Variants in ADGRV1 observed in about 807,000 individuals in gnomAD.
ADGRV1 encodes the protein G-protein coupled receptor 98.
In ADGRV1, 359 loss-of-function variants were observed where a neutral mutation model predicts 596.2. The observed-to-expected ratio is 0.60, with a 90% CI of 0.55 to 0.66. The LOEUF is 0.66. ADGRV1 is among the 30% of genes least tolerant of loss of function. ADGRV1 has a pLI of 0.00. For missense variants in ADGRV1, 7,274 were observed against 7,575.6 expected (o/e 0.96, Z 1.48); for synonymous variants, 2,681 against 2,679.2 (o/e 1.00, Z -0.02).
At chr5:90,600,530 A>G (rs1013081792) in intron 1 of ADGRV1, among the ~76,000 whole-genome samples, 12 of 152,198 alleles carry the variant, frequency 7.9e-5, no homozygotes, top group African/African-American at 2.9e-4. Context: ...TATATGTGCC[A>G]CATTGTCTTA....
intron 84 of ADGRV1, among the ~76,000 whole-genome samples, chr5:90,984,272 T>A (rs2151044001): frequency 6.6e-6 from 1 of 152,276 alleles, no homozygotes; most frequent in East Asian, 1.9e-4. Flanking sequence ...CCATACAAAA[T>A]TGAGAAGGAG....
intron 85 of ADGRV1, among the ~76,000 whole-genome samples, chr5:91,066,800 A>T (rs1396044418): frequency 6.6e-6 from 1 of 152,206 alleles, no homozygotes; most frequent in Non-Finnish European, 1.5e-5. Context: ...GGAGATTGGG[A>T]TGGAGTCCTG....
chr5:90,698,336 T>C (rs1204355272), intron 34 of ADGRV1, among the ~76,000 whole-genome samples: 1 of 152,190 alleles, frequency 6.6e-6, no homozygotes, highest in Non-Finnish European at 1.5e-5. Flanking sequence ...ACAGCAGTCC[T>C]ATGATATAGG....
intron 83 of ADGRV1, among the ~76,000 whole-genome samples, chr5:90,869,427 A>G (rs1768450855): frequency 6.6e-6 from 1 of 152,166 alleles, no homozygotes; most frequent in Non-Finnish European, 1.5e-5. Flanking sequence ...TAGTCCAAAA[A>G]GTCACAATAT....
intron 87 of ADGRV1, among the ~76,000 whole-genome samples, chr5:91,123,514 G>T (rs1236456313): frequency 2.0e-5 from 3 of 152,098 alleles, no homozygotes; most frequent in African/African-American, 7.2e-5. Context: ...ATTGATGAGG[G>T]TAGAGCCCTC....
chr5:91,112,307 T>C (rs1792442068), intron 87 of ADGRV1, among the ~76,000 whole-genome samples: 1 of 152,230 alleles, frequency 6.6e-6, no homozygotes, highest in African/African-American at 2.4e-5. Flanking sequence ...TCTGCTCTAA[T>C]TCGTGCTATC....
chr5:90,650,629 C>T (rs1052185337), intron 17 of ADGRV1, among the ~76,000 whole-genome samples: 3 of 152,170 alleles, frequency 2.0e-5, no homozygotes, highest in Middle Eastern at 3.4e-3. Context: ...TTCTGCGCAC[C>T]GGTTACTGAG....
At chr5:91,044,926 A>G (rs1158476095) in intron 85 of ADGRV1, among the ~76,000 whole-genome samples, 6 of 152,168 alleles carry the variant, frequency 3.9e-5, no homozygotes. Context: ...ATTAGTTTCT[A>G]AAGAAATTCA....
At position 90,887,059 on chromosome 5, in the gene ADGRV1, T is replaced by C. The variant is rs762256670; in HGVS notation, c.17856+23202T>C. Among the ~76,000 whole-genome samples the C allele has an allele frequency of 7.2e-5, 11 of 152,184 alleles. 1 individual carries two copies. The South Asian group carries it at 1.4e-3, about 20-fold the overall frequency. ...TCATCTTTTAAAGATGTCATGCGTG[T>C]CCTCTATTGATACCCTTTTACAGCT... is the stretch of plus-strand genomic sequence containing the variant. On this transcript the variant is annotated intron_variant, in intron 83 of 89. Transcript: ENST00000405460.
rs1762826137 is a variant in ADGRV1, at chr5:90,815,682, G to A, written c.16142G>A (p.Arg5381Lys). ...GAGTCCCAGAGTGGACTAGAACTCA[G>A]GGAAGGAGCTGTTATGAGAAGATTG... ...SEESQSGLEL[R>K]EGAVMRRLHL... The change falls in exon 75 of 90, where the codon AGG (arginine) becomes AAG (lysine). Residue 5381 changes from arginine to lysine, a missense_variant. Arg to Lys is a conservative substitution (Grantham distance 26, BLOSUM62 2). Transcript: ENST00000405460. The A allele has an allele frequency of 3.2e-6, 5 of 1,579,568 alleles. No individual in the cohort carries two copies. The highest frequency in any genetic ancestry group is 4.3e-6 in the Non-Finnish European group (5 of 1,161,688).
intron 57 of ADGRV1, among the ~76,000 whole-genome samples, chr5:90,758,604 T>C (rs1476148106): frequency 6.6e-6 from 1 of 152,196 alleles, no homozygotes; most frequent in Non-Finnish European, 1.5e-5. Context: ...TATTTGAGCA[T>C]TTGATTTTAT....
chr5:90,712,718 A>G (rs1003262863), intron 42 of ADGRV1, among the ~76,000 whole-genome samples: 1 of 152,022 alleles, frequency 6.6e-6, no homozygotes, highest in Non-Finnish European at 1.5e-5. Flanking sequence ...TTTCCTTTGG[A>G]ATTTGAATTT....
chr5:91,139,305 T>C (rs1446094427), intron 87 of ADGRV1, among the ~76,000 whole-genome samples: 2 of 152,220 alleles, frequency 1.3e-5, no homozygotes, highest in African/African-American at 2.4e-5. Flanking sequence ...GTTTTTTTCC[T>C]GTTATTTGCA....
At chr5:90,629,109 ATATT>A (rs1190545141) in intron 8 of ADGRV1, 97 bp from the exon 9 acceptor site, 1 of 658,362 alleles carries the variant, frequency 1.5e-6, no homozygotes, top group Non-Finnish European at 2.3e-6. Flanking sequence ...TAGACATAAA[ATATT>A]AATAAATATT....
chr5:90,688,721 T>C (rs1746044532), intron 29 of ADGRV1, among the ~76,000 whole-genome samples: 1 of 152,190 alleles, frequency 6.6e-6, no homozygotes, highest in Non-Finnish European at 1.5e-5. Context: ...GACCAAAATA[T>C]GCACAAATCA....
intron 17 of ADGRV1, among the ~76,000 whole-genome samples, chr5:90,648,368 T>C (rs1768095997): frequency 1.3e-5 from 2 of 152,358 alleles, no homozygotes; most frequent in South Asian, 4.1e-4. Context: ...TGGCTTCTCT[T>C]GATAGTTATT....
chr5:90,947,127 C>T (rs1776644767), intron 83 of ADGRV1, among the ~76,000 whole-genome samples: 1 of 152,162 alleles, frequency 6.6e-6, no homozygotes, highest in African/African-American at 2.4e-5. Flanking sequence ...GTTCATATTT[C>T]TCCATAGCCT....
At chr5:91,091,937 C>T (rs1790421861) in intron 86 of ADGRV1, 1 of 152,214 alleles carries the variant, frequency 6.6e-6, no homozygotes, top group Non-Finnish European at 1.5e-5. Flanking sequence ...CTCACAGACA[C>T]ACTCAGAAAT....
At chr5:91,135,286 TACA>T (rs1361867296) in intron 87 of ADGRV1, among the ~76,000 whole-genome samples, 1 of 152,214 alleles carries the variant, frequency 6.6e-6, no homozygotes, top group African/African-American at 2.4e-5. Flanking sequence ...GGCATGCTTT[TACA>T]TACATTCCCG....
Sources: gnomAD v4.1 joint callset for allele counts (sites outside exome capture counted in the v4.1 genomes callset) on GRCh38, gnomAD v4.1.1 for gene constraint, MANE v1.5 for transcripts, NCBI Gene and HGNC (gene_info 2026-07-23, HGNC 2026-07-21) for gene names.